The following GRIP1 variants were observed in gnomAD, a reference collection of about 807,000 sequenced individuals.
GRIP1 encodes glutamate receptor interacting protein 1.
GRIP1 carries 45 observed loss-of-function variants against 129.9 expected under a neutral mutation model. That is an observed-to-expected ratio of 0.35 (90% confidence interval 0.27 to 0.44). The LOEUF is 0.44. Ranked by LOEUF, GRIP1 falls within the 20% of genes least tolerant of loss-of-function variation. The pLI, the probability that GRIP1 is intolerant of heterozygous loss-of-function variation, is 1.00. For synonymous variants in GRIP1, 530 were observed against 520.8 expected (o/e 1.02, Z -0.24); for missense variants, 1,196 against 1,396.8 (o/e 0.86, Z 2.29).
intron 23 of GRIP1, among the ~76,000 whole-genome samples, chr12:66,361,334 A>G (rs2054752652): frequency 6.6e-6 from 1 of 152,148 alleles, no homozygotes; most frequent in South Asian, 2.1e-4. Flanking sequence ...ATGAGGGCTC[A>G]ACAATGAGAG....
At chr12:66,656,283 T>C (rs375662280) in intron 1 of GRIP1, among the ~76,000 whole-genome samples, 45 of 152,352 alleles carry the variant, frequency 3.0e-4, no homozygotes, top group Admixed American at 8.5e-4. Flanking sequence ...TAAGTGAATT[T>C]TGTTAGCCAA....
chr12:66,676,013 T>C (rs1366831417), intron 1 of GRIP1, among the ~76,000 whole-genome samples: 1 of 152,204 alleles, frequency 6.6e-6, no homozygotes, highest in African/African-American at 2.4e-5. Flanking sequence ...TATAATACTG[T>C]GGATCAGTGT....
At chr12:66,550,468 G>C (rs753531113) in intron 2 of GRIP1, among the ~76,000 whole-genome samples, 2 of 152,130 alleles carry the variant, frequency 1.3e-5, no homozygotes, top group African/African-American at 4.8e-5. Context: ...ATTAACAGTG[G>C]TATTTAACTG....
intron 1 of GRIP1, among the ~76,000 whole-genome samples, chr12:66,737,290 T>C (rs927430541): frequency 2.6e-5 from 4 of 152,126 alleles, no homozygotes; most frequent in Non-Finnish European, 4.4e-5. Context: ...TCTTTCTCCT[T>C]TTTTCAAATT....
At chr12:66,505,754 T>G (rs2060510387) in intron 7 of GRIP1, among the ~76,000 whole-genome samples, 1 of 152,204 alleles carries the variant, frequency 6.6e-6, no homozygotes, top group Non-Finnish European at 1.5e-5. Flanking sequence ...GTACCAATTT[T>G]GGCATTTATT....
chr12:67,033,271 G>GTGTATATATA (rs571378077), intron 1 of GRIP1, among the ~76,000 whole-genome samples: 2 of 143,004 alleles, frequency 1.4e-5, no homozygotes, highest in East Asian at 2.0e-4. Context: ...AAGACTACAT[G>GTGTATATATA]TATATATATA....
intron 16 of GRIP1, 55 bp downstream of exon 16, chr12:66,406,228 T>G: frequency 2.6e-6 from 4 of 1,538,044 alleles, no homozygotes; most frequent in Non-Finnish European, 3.6e-6. Flanking sequence ...CTAATATCTT[T>G]GGTGACAGAT....
At chr12:66,462,685 C>T (rs1211106470) in intron 9 of GRIP1, among the ~76,000 whole-genome samples, 1 of 151,222 alleles carries the variant, frequency 6.6e-6, no homozygotes, top group Non-Finnish European at 1.5e-5. Context: ...ACCTGTAATC[C>T]CAGCTACTCG....
intron 1 of GRIP1, among the ~76,000 whole-genome samples, chr12:66,873,158 A>G (rs1042838332): frequency 1.3e-4 from 20 of 152,196 alleles, no homozygotes; most frequent in Admixed American, 9.8e-4. Flanking sequence ...AAGTATCCCA[A>G]TAAAGAAGGG....
chr12:66,725,555 A>T (rs1343901452), intron 1 of GRIP1, among the ~76,000 whole-genome samples: 3 of 152,110 alleles, frequency 2.0e-5, no homozygotes, highest in African/African-American at 7.2e-5. Context: ...TATATTATGA[A>T]TATCTTTTAA....
chr12:66,463,397 A>G (rs2059193933), intron 8 of GRIP1, among the ~76,000 whole-genome samples: 1 of 152,272 alleles, frequency 6.6e-6, no homozygotes, highest in Non-Finnish European at 1.5e-5. Context: ...GCAAGAGGAA[A>G]GGGAAAAACA....
chr12:66,743,590 T>C (rs968954135), intron 1 of GRIP1, among the ~76,000 whole-genome samples: 1 of 126,930 alleles, frequency 7.9e-6, no homozygotes, highest in Non-Finnish European at 1.8e-5. Flanking sequence ...TAAATAGGCT[T>C]TTTTTTTGTG....
intron 11 of GRIP1, among the ~76,000 whole-genome samples, chr12:66,450,374 G>A (rs2058756410): frequency 6.7e-6 from 1 of 148,588 alleles, no homozygotes. Context: ...ATAGTAACAG[G>A]TGAGATTATA....
intron 1 of GRIP1, among the ~76,000 whole-genome samples, chr12:66,624,386 T>C (rs2065397209): frequency 6.6e-6 from 1 of 152,182 alleles, no homozygotes; most frequent in South Asian, 2.1e-4. Context: ...GTTGCTATGA[T>C]TGTGATTAAT....
Position 66,531,147 on chromosome 12 carries a change from A to G in GRIP1, c.419-1233T>C, listed in dbSNP as rs575392283. 8.6e-5 allele frequency among the ~76,000 whole-genome samples: 13 copies of G among 151,236 alleles called. No individual in the cohort carries two copies. In the South Asian group the frequency reaches 2.7e-3, roughly 32 times the overall value. On this transcript the variant is annotated intron_variant, in intron 4 of 24. Transcript: ENST00000359742. ...CTACTTTGGAGGCTGAGGCAGGAGA[A>G]TCACTTGAACCCGCGGGGGCGGAGG...
At chr12:66,831,943 A>G (rs1032249116) in intron 1 of GRIP1, among the ~76,000 whole-genome samples, 2 of 152,182 alleles carry the variant, frequency 1.3e-5, no homozygotes, top group African/African-American at 2.4e-5. Flanking sequence ...GTTTGTAACC[A>G]TTTTTATTAT....
At chr12:66,868,357 C>T (rs1282305957) in intron 1 of GRIP1, among the ~76,000 whole-genome samples, 1 of 151,944 alleles carries the variant, frequency 6.6e-6, no homozygotes, top group Non-Finnish European at 1.5e-5. Context: ...AAACAGGTAG[C>T]GGGAAGACTC....
At chr12:66,415,733 G>A (rs1017293051) in intron 15 of GRIP1, among the ~76,000 whole-genome samples, 1 of 152,152 alleles carries the variant, frequency 6.6e-6, no homozygotes, top group African/African-American at 2.4e-5. Context: ...AGAATACTAT[G>A]CAGCCATAAA....
intron 1 of GRIP1, among the ~76,000 whole-genome samples, chr12:67,017,698 G>A (rs2135734025): frequency 6.6e-6 from 1 of 152,230 alleles, no homozygotes; most frequent in East Asian, 1.9e-4. Flanking sequence ...CCCTTAAGAG[G>A]CTAGGAAGCT....
Sources: allele counts gnomAD v4.1 joint callset (sites outside exome capture counted in the v4.1 genomes callset), GRCh38; gene constraint gnomAD v4.1.1; transcripts MANE v1.5; gene names NCBI Gene and HGNC (gene_info 2026-07-23, HGNC 2026-07-21).